The following WDR87 variants were observed in gnomAD, a reference collection of about 807,000 sequenced individuals.
WDR87 encodes WD repeat-containing protein 87.
A neutral mutation model predicts 83.3 loss-of-function variants in WDR87; 56 were observed. The observed-to-expected ratio is 0.67, with a 90% CI of 0.54 to 0.84. WDR87 has a LOEUF of 0.84. WDR87 is among the 40% of genes least tolerant of loss of function. The pLI is 0.00. For synonymous variants in WDR87, 1,173 were observed against 1,250.6 expected, an observed-to-expected ratio of 0.94 and a Z score of 1.31; for missense variants, 2,939 against 3,431.9, an observed-to-expected ratio of 0.86 and a Z score of 3.59.
chr19:37,888,109 T>C lies in WDR87; in HGVS notation c.5562A>G (p.Lys1854=). 1 of 1,551,978 alleles carries C rather than the reference T, an allele frequency of 6.4e-7. No homozygotes were observed. Among genetic ancestry groups the C allele is most frequent in the Non-Finnish European group, 8.7e-7 (1 of 1,147,076 alleles). The change falls in exon 6 of 6, where the codon AAA becomes AAG. Residue 1854 remains lysine, a synonymous_variant. Coordinates refer to ENST00000447313, the MANE Select transcript of WDR87 (RefSeq NM_001291088.2). ...CCATGCTGTTGATCCATCTTTCCCT[T>C]TTTTGGGCCAGTTTCATCTTCTTCT... ...LIEKKMKLAQ[K]RERWINSMEE...
In WDR87 at chr19:37,885,453, G is replaced by A. The variant is rs1049387071; in HGVS notation, c.8218C>T (p.Arg2740Cys). Residue 2740 changes from arginine (R) to cysteine (C), a missense_variant, in exon 6 of 6, where the codon CGC becomes TGC. By Grantham distance (180) the Arg-to-Cys change is radical (BLOSUM62 -3). Transcript: ENST00000447313. ...AACTTGGGCAGTTTAGGAAACCTGC[G>A]TTTATCCTTAAAATCCCAGAAGTCC... ...QKDFWDFKDK[R>C]RFPKLPKLEK... 6.7e-5 allele frequency: 104 copies of A among 1,551,424 alleles called. No homozygotes were observed. Among genetic ancestry groups the A allele is most frequent in the Admixed American group, 2.7e-4 (14 of 50,972 alleles).
chr19:37,887,217 T>C lies in WDR87; in HGVS notation c.6454A>G (p.Ile2152Val). 1.3e-6 allele frequency: 2 copies of C among 1,551,942 alleles called. No homozygotes were observed. The highest frequency in any genetic ancestry group is 2.4e-5 in the East Asian group (1 of 40,912). Reference protein sequence around the residue: ...ALFVKERRLSIEQSKLDIKEW... With the variant: ...ALFVKERRLSVEQSKLDIKEW... ...TTGATATCCAGCTTACTCTGTTCTA[T>C]ACTCAACCTGCGCTCCTTAACAAAG... The change falls in exon 6 of 6, where the codon ATA (isoleucine) becomes GTA (valine). Residue 2152 changes from isoleucine (I) to valine (V), a missense_variant. Physicochemically the swap from Ile to Val is conservative, Grantham distance 29 (BLOSUM62 3). Around this residue, in one of 3 missense-constraint regions of WDR87, gnomAD observed 2,160 missense variants for 2,533.1 expected, o/e 0.85. Transcript: ENST00000447313.
At position 37,891,614 on chromosome 19, in the gene WDR87, G is replaced by C. The variant is rs1220045565; in HGVS notation, c.3332C>G (p.Ser1111Cys). Residue 1111 changes from serine to cysteine, a missense_variant, in exon 5 of 6, where the codon TCT becomes TGT. This residue lies in a region of WDR87 where 2,160 missense variants were observed against 2,533.1 expected (regional missense o/e 0.85). Transcript: ENST00000447313. ...SLKPPTVSEE[S>C]EVAIKPSKGQ... is the part of the protein sequence containing the mutation. ...TTTGCTGGGCTTGATGGCCACTTCAGATTCTTCAGAAACTGTAGGAGGTTT... is the reference window on the plus strand; with the variant it reads ...TTTGCTGGGCTTGATGGCCACTTCACATTCTTCAGAAACTGTAGGAGGTTT... 1.3e-6 allele frequency: 2 copies of C among 1,552,034 alleles called. No homozygotes were observed. The highest frequency in any genetic ancestry group is 2.7e-5 in the African/African-American group (2 of 73,154).
chr19:37,903,982 CACT>C (rs2046307730), intron 1 of WDR87, among the ~76,000 whole-genome samples: 2 of 152,114 alleles, frequency 1.3e-5, no homozygotes, highest in Non-Finnish European at 2.9e-5. Context: ...CATCTCCGCT[CACT>C]ACAAGCTCCG....
Position 37,894,890 on chromosome 19 carries a change from C to A in WDR87, c.813G>T (p.Gln271His). ...GGAAACTGTGGAGTGGATGGCCCTG[C>A]TGGAGGCTCCAAACTTGGATTTCCC... ...QAGEIQVWSL[Q>H]QGHPLHSFQA... is the part of the protein sequence containing the mutation. Residue 271 changes from glutamine to histidine, a missense_variant, in exon 4 of 6, where the codon CAG becomes CAT. Coordinates refer to ENST00000447313, the MANE Select transcript of WDR87 (RefSeq NM_001291088.2). 2 of 1,551,690 alleles carry A rather than the reference C, an allele frequency of 1.3e-6. 1 individual carries two copies. Among genetic ancestry groups the A allele is most frequent in the South Asian group, 2.4e-5 (2 of 84,066 alleles).
chr19:37,884,840 AAAG>A lies in WDR87; in HGVS notation c.*89_*91del, dbSNP rs2046127839. The A allele has an allele frequency of 9.3e-6, 11 of 1,176,758 alleles. No homozygotes were observed. Among genetic ancestry groups the A allele is most frequent in the South Asian group, 4.4e-5 (1 of 22,976 alleles). 72.9% of individuals were successfully genotyped at this position (1,176,758 alleles called of 1,614,324 possible). A position where few individuals can be genotyped will look rare whatever the true frequency, so the allele number is the denominator to read the frequency against. Reference sequence around the variant, plus strand: ...TGAAACACCGTCTCAAAAAAAAAAAAAAGAGAGAGAGAGAGATGAAGGTCTAGA... The same window carrying A: ...TGAAACACCGTCTCAAAAAAAAAAAAAGAGAGAGAGAGATGAAGGTCTAGA... On this transcript the variant is annotated 3_prime_UTR_variant, in exon 6 of 6. Coordinates refer to ENST00000447313, the MANE Select transcript of WDR87 (RefSeq NM_001291088.2).
intron 1 of WDR87, among the ~76,000 whole-genome samples, chr19:37,906,043 G>A (rs1242406258): frequency 6.6e-6 from 1 of 152,160 alleles, no homozygotes; most frequent in Non-Finnish European, 1.5e-5. Flanking sequence ...ATGCTTCCCA[G>A]CTTCAAGTGT....
chr19:37,904,346 TTGTG>T (rs759289476), intron 1 of WDR87, among the ~76,000 whole-genome samples: 1 of 151,016 alleles, frequency 6.6e-6, no homozygotes, highest in Non-Finnish European at 1.5e-5. Context: ...TGTCTTTCTT[TTGTG>T]TGTGTGTGTG....
Position 37,884,843 on chromosome 19 carries a change from G to T in WDR87, c.*89C>A. 1.3e-6 allele frequency: 1 copy of T among 792,274 alleles called. No homozygotes were observed. The highest frequency in any genetic ancestry group is 1.7e-6 in the Non-Finnish European group (1 of 593,386). The allele number at this position is 792,274 out of a possible 1,614,324, so 49.1% of individuals were successfully genotyped here. On this transcript the variant is annotated 3_prime_UTR_variant, in exon 6 of 6. Transcript: ENST00000447313. Reference sequence around the variant, plus strand: ...AACACCGTCTCAAAAAAAAAAAAAAGAGAGAGAGAGAGATGAAGGTCTAGA... The same window carrying T: ...AACACCGTCTCAAAAAAAAAAAAAATAGAGAGAGAGAGATGAAGGTCTAGA...
chr19:37,905,790 G>A (rs1305970051), intron 1 of WDR87, among the ~76,000 whole-genome samples: 1 of 152,158 alleles, frequency 6.6e-6, no homozygotes, highest in South Asian at 2.1e-4. Flanking sequence ...CTGGCCTTAA[G>A]TGATCCTCCT....
chr19:37,886,003 A>G lies in WDR87; in HGVS notation c.7668T>C (p.His2556=). 6.4e-7 allele frequency: 1 copy of G among 1,551,876 alleles called. No individual in the cohort carries two copies. Residue 2556 remains histidine (H), a synonymous_variant, in exon 6 of 6, where the codon CAT becomes CAC. Coordinates refer to ENST00000447313, the MANE Select transcript of WDR87 (RefSeq NM_001291088.2). ...PLSQIPAKEQ[H]ADVSLSDVEW... is the part of the protein sequence containing the mutation. ...CTACATCTGAGAGGCTTACGTCTGC[A>G]TGTTGTTCCTTAGCTGGGATTTGGG...
At position 37,885,909 on chromosome 19, in the gene WDR87, G is replaced by T. The variant is rs1455711274; in HGVS notation, c.7762C>A (p.Leu2588Met). The T allele has an allele frequency of 8.4e-6, 13 of 1,552,210 alleles. No homozygotes were observed. Among genetic ancestry groups the T allele is most frequent in the Non-Finnish European group, 1.1e-5 (13 of 1,147,140 alleles). ...GCAAGGTCTTTGAGCAGCTGGCACA[G>T]TCTATGGAAACCATCCCTGGAAAGC... The part of the protein sequence containing the change: ...EQLSRDGFHR[L>M]CQLLKDLASK... The change falls in exon 6 of 6, where the codon CTG (leucine) becomes ATG (methionine). Residue 2588 changes from leucine to methionine, a missense_variant. By Grantham distance (15) the Leu-to-Met change is conservative. Coordinates refer to ENST00000447313, the MANE Select transcript of WDR87 (RefSeq NM_001291088.2).
In WDR87 at chr19:37,900,560, CAAAAAAA is replaced by C. The variant is rs58946958; in HGVS notation, c.-46-2282_-46-2276del. Among the ~76,000 whole-genome samples, 89 of 78,088 alleles carry C rather than the reference CAAAAAAA, an allele frequency of 1.1e-3. 3 individuals carry two copies. The highest frequency in any genetic ancestry group is 3.7e-3 in the African/African-American group (72 of 19,254). 51.2% of individuals were successfully genotyped at this position (78,088 alleles called of 152,430 possible). On this transcript the variant is annotated intron_variant, in intron 1 of 5. Coordinates refer to ENST00000447313, the MANE Select transcript of WDR87 (RefSeq NM_001291088.2). The stretch of plus-strand genomic sequence containing the variant: ...TCAGTGACAGAGCAAGACTCCGTCT[CAAAAAAA>C]AAAAAAAAAAAAGACCCAATCCACA...
At position 37,895,052 on chromosome 19, in the gene WDR87, C is replaced by T; in HGVS notation, c.651G>A (p.Val217=). Reference sequence around the variant, plus strand: ...TGCCCTGGTGCATAAGGACCCTCACCACCGTCTCACACAGGGCCAGGAGGG... The same window carrying T: ...TGCCCTGGTGCATAAGGACCCTCACTACCGTCTCACACAGGGCCAGGAGGG... ...SGSLLALCET[V]VRVLMHQGKG... The change falls in exon 4 of 6, where the codon GTG becomes GTA. Residue 217 remains valine (V), a synonymous_variant. Transcript: ENST00000447313. 1.3e-6 allele frequency: 2 copies of T among 1,551,716 alleles called. No individual in the cohort carries two copies. Among genetic ancestry groups the T allele is most frequent in the Admixed American group, 2.0e-5 (1 of 51,002 alleles).
At position 37,886,360 on chromosome 19, in the gene WDR87, C is replaced by T; in HGVS notation, c.7311G>A (p.Leu2437=). ...SPLKKLMSTA[L]EMKEKTPVPV... ...GCACTGGTGTTTTCTCTTTCATCTC[C>T]AGAGCTGTTGACATCAGTTTCTTCA... Residue 2437 remains leucine (L), a synonymous_variant, in exon 6 of 6, where the codon CTG becomes CTA. Transcript: ENST00000447313. The T allele has an allele frequency of 1.3e-6, 2 of 1,550,874 alleles. No individual in the cohort carries two copies. Among genetic ancestry groups the T allele is most frequent in the Non-Finnish European group, 1.7e-6 (2 of 1,146,840 alleles).
rs574160497 is a variant in WDR87 at position 37,889,464 on chromosome 19, G to C, written c.4207C>G (p.Gln1403Glu). ...ARDMLGLEETQVILKKGKKVI... is the reference protein window; with the variant it reads ...ARDMLGLEETEVILKKGKKVI... Reference sequence around the variant, plus strand: ...TTCTTGCCCTTTTTCAAAATCACTTGGGTTTCCTCCAAGCCCAGCATGTCT... The same window carrying C: ...TTCTTGCCCTTTTTCAAAATCACTTCGGTTTCCTCCAAGCCCAGCATGTCT... Residue 1403 changes from glutamine to glutamate, a missense_variant, in exon 6 of 6, where the codon CAA becomes GAA. Coordinates refer to ENST00000447313, the MANE Select transcript of WDR87 (RefSeq NM_001291088.2). The C allele has an allele frequency of 1.9e-4, 288 of 1,551,624 alleles. No homozygotes were observed. The highest frequency in any genetic ancestry group is 2.3e-4 in the Non-Finnish European group (268 of 1,146,986).
intron 1 of WDR87, among the ~76,000 whole-genome samples, chr19:37,902,504 C>T (rs2046299590): frequency 6.6e-6 from 1 of 152,218 alleles, no homozygotes; most frequent in African/African-American, 2.4e-5. Flanking sequence ...AGGCGTGAGC[C>T]ACCATGCCCG....
chr19:37,898,443 A>G, intron 1 of WDR87, 158 bp from the exon 2 acceptor site: 1 of 586,210 alleles, frequency 1.7e-6, no homozygotes, highest in Non-Finnish European at 2.1e-6. Flanking sequence ...TCTACAGCCC[A>G]GTAAGGTAGG....
In WDR87 at chr19:37,894,176, G is replaced by T; in HGVS notation, c.1527C>A (p.Leu509=). ...KFMHFGAVLA[L]STLSGGIFGG... is the part of the protein sequence containing the mutation. Reference sequence around the variant, plus strand: ...CAAAAATCCCTCCAGACAGCGTGGAGAGTGCCAGTACAGCGCCAAAGTGCA... The same window carrying T: ...CAAAAATCCCTCCAGACAGCGTGGATAGTGCCAGTACAGCGCCAAAGTGCA... The change falls in exon 4 of 6, where the codon CTC becomes CTA. Residue 509 remains leucine (L), a synonymous_variant. Coordinates refer to ENST00000447313, the MANE Select transcript of WDR87 (RefSeq NM_001291088.2). The T allele has an allele frequency of 6.4e-7, 1 of 1,552,318 alleles. No individual in the cohort carries two copies.
Sources: gnomAD v4.1 joint callset for allele counts (sites outside exome capture counted in the v4.1 genomes callset) on GRCh38, gnomAD v4.1.1 for gene constraint, gnomAD v4.1.1 regional missense constraint, MANE v1.5 for transcripts, NCBI Gene and HGNC (gene_info 2026-07-23, HGNC 2026-07-21) for gene names.